Variants in ETS1 observed in about 807,000 individuals in gnomAD.
ETS1 encodes the protein protein C-ets-1.
In ETS1, 15 loss-of-function variants were observed where a neutral mutation model predicts 58.6. That is an observed-to-expected ratio of 0.26 (90% CI 0.17 to 0.39). The LOEUF (loss-of-function observed/expected upper bound fraction) is 0.39. Ranked by LOEUF, ETS1 falls within the 10% of genes least tolerant of loss-of-function variation. The pLI, the probability that ETS1 is intolerant of heterozygous loss-of-function variation, is 1.00. For missense variants in ETS1, 417 were observed against 610.5 expected, an observed-to-expected ratio of 0.68 and a Z score of 3.34; for synonymous variants, 214 against 218.2, an observed-to-expected ratio of 0.98 and a Z score of 0.17.
chr11:128,575,025 G>A (rs1161222661), intron 1 of ETS1, among the ~76,000 whole-genome samples: 2 of 152,028 alleles, frequency 1.3e-5, no homozygotes, highest in Admixed American at 6.5e-5. Flanking sequence ...TCAACCCTCT[G>A]ATTTCCTCCA....
At chr11:128,527,793 G>A (rs1565398166) in intron 3 of ETS1, among the ~76,000 whole-genome samples, 1 of 152,230 alleles carries the variant, frequency 6.6e-6, no homozygotes, top group Non-Finnish European at 1.5e-5. Context: ...ATCTTACTCT[G>A]CTTTTCTCTT....
chr11:128,504,266 A>G (rs1488707113), intron 3 of ETS1, among the ~76,000 whole-genome samples: 4 of 152,146 alleles, frequency 2.6e-5, no homozygotes, highest in Non-Finnish European at 4.4e-5. Context: ...GGCCTTTTTT[A>G]TGGCCTGGAG....
Position 128,485,978 on chromosome 11 carries a change from AT to A in ETS1, c.613+90del, listed in dbSNP as rs1862619450. 5 of 756,174 alleles carry A rather than the reference AT, an allele frequency of 6.6e-6. No individual in the cohort carries two copies. In the East Asian group the frequency reaches 1.2e-4, roughly 19 times the overall value. The allele number at this position is 756,174 out of a possible 1,614,324, so 46.8% of individuals were successfully genotyped here. A position where few individuals can be genotyped will look rare whatever the true frequency, so the allele number is the denominator to read the frequency against. On this transcript the variant is annotated intron_variant, in intron 6 of 9. Coordinates refer to ENST00000392668, the MANE Select transcript of ETS1 (RefSeq NM_001143820.2). The stretch of plus-strand genomic sequence containing the variant: ...CTAAGAAGATATTATTTTTGATAGA[AT>A]TACCATGAAGGAGCCTGAGATTCAC...
At chr11:128,536,942 A>C (rs1863981135) in intron 3 of ETS1, among the ~76,000 whole-genome samples, 1 of 152,178 alleles carries the variant, frequency 6.6e-6, no homozygotes. Context: ...GGGATGCTTT[A>C]CCTTATTTAG....
chr11:128,560,518 G>A (rs1487853855), intron 2 of ETS1, among the ~76,000 whole-genome samples: 1 of 152,166 alleles, frequency 6.6e-6, no homozygotes, highest in Non-Finnish European at 1.5e-5. Flanking sequence ...AATTTCCCAA[G>A]GCCATGCAGC....
At chr11:128,565,452 C>T (rs545332340) in intron 2 of ETS1, among the ~76,000 whole-genome samples, 89 of 152,240 alleles carry the variant, frequency 5.8e-4, no homozygotes, top group Non-Finnish European at 3.7e-4. Flanking sequence ...GTTATAGCAG[C>T]ACTAATGGAC....
intron 2 of ETS1, among the ~76,000 whole-genome samples, chr11:128,562,775 T>C (rs964287482): frequency 6.6e-6 from 1 of 152,122 alleles, no homozygotes; most frequent in Non-Finnish European, 1.5e-5. Context: ...TTGTGACCCT[T>C]CCCTAGCACC....
At chr11:128,585,019 A>G (rs1425931021) in intron 1 of ETS1, among the ~76,000 whole-genome samples, 2,756 of 21,914 alleles carry the variant, frequency 0.13, 780 homozygotes, top group Non-Finnish European at 0.15. Context: ...AAGGAAAGAA[A>G]GAAGAAAGAA....
At chr11:128,557,366 A>C (rs1288842760) in intron 2 of ETS1, among the ~76,000 whole-genome samples, 1 of 152,268 alleles carries the variant, frequency 6.6e-6, no homozygotes, top group Non-Finnish European at 1.5e-5. Flanking sequence ...AATAATACTT[A>C]CTTCATGAAG....
At chr11:128,498,469 C>T (rs1013194605) in intron 3 of ETS1, among the ~76,000 whole-genome samples, 1 of 152,160 alleles carries the variant, frequency 6.6e-6, no homozygotes, top group African/African-American at 2.4e-5. Context: ...AATCTGCTAA[C>T]GGGAAATACT....
intron 2 of ETS1, among the ~76,000 whole-genome samples, chr11:128,559,620 G>A (rs1864372620): frequency 6.6e-6 from 1 of 152,148 alleles, no homozygotes; most frequent in Non-Finnish European, 1.5e-5. Context: ...CATTAACCAC[G>A]AGAATCTTTA....
intron 3 of ETS1, among the ~76,000 whole-genome samples, chr11:128,507,394 G>C (rs1022447227): frequency 2.0e-5 from 3 of 152,220 alleles, no homozygotes; most frequent in African/African-American, 7.2e-5. Context: ...AATTCTCTGA[G>C]CCTTACACAC....
chr11:128,484,123 C>G (rs907095133), intron 7 of ETS1, among the ~76,000 whole-genome samples: 1 of 152,182 alleles, frequency 6.6e-6, no homozygotes, highest in Admixed American at 6.5e-5. Flanking sequence ...TCACCCAGCT[C>G]TATTTTTAAA....
intron 8 of ETS1, among the ~76,000 whole-genome samples, chr11:128,470,323 A>G (rs1308515303): frequency 6.6e-6 from 1 of 152,226 alleles, no homozygotes; most frequent in African/African-American, 2.4e-5. Context: ...AAATTAAAAT[A>G]TATGATGCCT....
chr11:128,543,753 G>A (rs1157030457), intron 3 of ETS1, among the ~76,000 whole-genome samples: 1 of 152,082 alleles, frequency 6.6e-6, no homozygotes, highest in Non-Finnish European at 1.5e-5. Flanking sequence ...CGAACCAGAA[G>A]GATAATAATA....
At chr11:128,544,943 G>A (rs1473743737) in intron 3 of ETS1, among the ~76,000 whole-genome samples, 1 of 151,782 alleles carries the variant, frequency 6.6e-6, no homozygotes, top group Non-Finnish European at 1.5e-5. Context: ...TAGCTTCAAG[G>A]GTATAACCTT....
intron 8 of ETS1, among the ~76,000 whole-genome samples, chr11:128,477,563 A>C (rs2135435088): frequency 6.6e-6 from 1 of 152,190 alleles, no homozygotes. Context: ...GTGTGAGATC[A>C]CCCTCAGAGG....
At chr11:128,530,273 T>C (rs537158730) in intron 3 of ETS1, 107 of 152,340 alleles carry the variant, frequency 7.0e-4, no homozygotes, top group African/African-American at 2.5e-3. Context: ...TAGTGGATGG[T>C]CCTGCCCATG....
intron 1 of ETS1, among the ~76,000 whole-genome samples, chr11:128,585,535 T>C (rs542218142): frequency 6.6e-6 from 1 of 152,320 alleles, no homozygotes; most frequent in East Asian, 1.9e-4. Flanking sequence ...AATTCACCAG[T>C]GCAATCAAAG....
Sources: gnomAD v4.1 joint callset for allele counts (sites outside exome capture counted in the v4.1 genomes callset) on GRCh38, gnomAD v4.1.1 for gene constraint, MANE v1.5 for transcripts, NCBI Gene and HGNC (gene_info 2026-07-23, HGNC 2026-07-21) for gene names.